Variants in KIFC3 observed in about 807,000 individuals in gnomAD.
KIFC3 encodes kinesin family member C3, also known as kinesin-like protein KIFC3.
A neutral mutation model predicts 101.8 loss-of-function variants in KIFC3; 60 were observed. The ratio of observed to expected loss-of-function variants is 0.59; its 90% CI spans 0.48 to 0.73. The LOEUF (loss-of-function observed/expected upper bound fraction) is 0.73. Among genes scored for constraint, KIFC3 ranks in the 30% least tolerant of loss-of-function variants. KIFC3 has a pLI of 0.00. For missense variants in KIFC3, 966 were observed against 1,137.1 expected, an observed-to-expected ratio of 0.85 and a Z score of 2.16; for synonymous variants, 476 against 482.7, an observed-to-expected ratio of 0.99 and a Z score of 0.18.
chr16:57,857,399 T>C (rs1181513414), intron 1 of KIFC3, among the ~76,000 whole-genome samples: 2 of 151,334 alleles, frequency 1.3e-5, no homozygotes, highest in African/African-American at 4.9e-5. Flanking sequence ...ACCTTTCTTT[T>C]TTTTTTTTTA....
intron 1 of KIFC3, among the ~76,000 whole-genome samples, chr16:57,858,347 G>A (rs1045975931): frequency 2.0e-5 from 3 of 152,018 alleles, no homozygotes; most frequent in Non-Finnish European, 4.4e-5. Flanking sequence ...TCCCTTCCCC[G>A]GAACACAGAA....
At chr16:57,813,422 G>A (rs1382246175) in intron 1 of KIFC3, among the ~76,000 whole-genome samples, 4 of 152,218 alleles carry the variant, frequency 2.6e-5, no homozygotes, top group African/African-American at 7.2e-5. Flanking sequence ...CAGTGTCCCT[G>A]TCTAAATCTC....
chr16:57,789,869 T>C (rs1407019800), intron 3 of KIFC3, among the ~76,000 whole-genome samples: 2 of 146,714 alleles, frequency 1.4e-5, no homozygotes, highest in African/African-American at 5.1e-5. Context: ...CCCAAGTAGG[T>C]GGGGTTACAG....
intron 1 of KIFC3, among the ~76,000 whole-genome samples, chr16:57,854,304 T>C (rs2056119701): frequency 6.6e-6 from 1 of 152,164 alleles, no homozygotes; most frequent in Non-Finnish European, 1.5e-5. Flanking sequence ...GAAAACCCAC[T>C]TTATATATAA....
chr16:57,789,259 C>A (rs1555619216), intron 3 of KIFC3, among the ~76,000 whole-genome samples: 1 of 152,264 alleles, frequency 6.6e-6, no homozygotes, highest in Non-Finnish European at 1.5e-5. Context: ...CTCCGCCCCA[C>A]AGGGCTATCG....
At chr16:57,789,099 T>C (rs1364997559) in intron 3 of KIFC3, among the ~76,000 whole-genome samples, 1 of 152,132 alleles carries the variant, frequency 6.6e-6, no homozygotes, top group Non-Finnish European at 1.5e-5. Flanking sequence ...CACACACGTA[T>C]CAACCTCAGG....
intron 1 of KIFC3, among the ~76,000 whole-genome samples, chr16:57,801,918 G>T (rs1555625626): frequency 6.6e-6 from 1 of 152,196 alleles, no homozygotes; most frequent in African/African-American, 2.4e-5. Context: ...ACCTCTGGGC[G>T]GGCGCACCCC....
chr16:57,797,243 C>T (rs1287106432), intron 2 of KIFC3, among the ~76,000 whole-genome samples: 4 of 152,238 alleles, frequency 2.6e-5, no homozygotes, highest in Admixed American at 2.0e-4. Flanking sequence ...CTCTCACAGG[C>T]TGGCAGTCTA....
intron 1 of KIFC3, among the ~76,000 whole-genome samples, chr16:57,827,304 G>A (rs2055479461): frequency 6.6e-6 from 1 of 152,238 alleles, no homozygotes; most frequent in African/African-American, 2.4e-5. Flanking sequence ...ACATCTCAGT[G>A]TCTGGTTGGC....
intron 1 of KIFC3, chr16:57,813,898 G>A (rs1292752752): frequency 1.0e-6 from 1 of 980,424 alleles, no homozygotes; most frequent in East Asian, 1.1e-4. Flanking sequence ...AGAGGTGAAG[G>A]GATCTACCCT....
chr16:57,768,037 G>T (rs782216255), intron 9 of KIFC3, among the ~76,000 whole-genome samples: 3 of 152,158 alleles, frequency 2.0e-5, no homozygotes, highest in Non-Finnish European at 4.4e-5. Context: ...TGAAAATGCT[G>T]GGTAGGGGCT....
At chr16:57,860,068 A>C (rs1043125372) in intron 1 of KIFC3, among the ~76,000 whole-genome samples, 1 of 146,396 alleles carries the variant, frequency 6.8e-6, no homozygotes, top group African/African-American at 2.4e-5. Flanking sequence ...AAAATAAAAT[A>C]AAATAAAATA....
intron 3 of KIFC3, chr16:57,773,679 G>C (rs1197299758): frequency 6.6e-6 from 1 of 152,214 alleles, no homozygotes; most frequent in Non-Finnish European, 1.5e-5. Context: ...GAGGCTTAGA[G>C]TCCGCCCCCT....
intron 1 of KIFC3, among the ~76,000 whole-genome samples, chr16:57,859,504 T>C (rs1466222424): frequency 6.6e-6 from 1 of 152,178 alleles, no homozygotes; most frequent in East Asian, 1.9e-4. Flanking sequence ...TAATTATAGC[T>C]GTTTTCACGA....
At chr16:57,795,223 A>G in intron 2 of KIFC3, 82 bp from the exon 3 acceptor site, 2 of 1,492,270 alleles carry the variant, frequency 1.3e-6, no homozygotes. Flanking sequence ...CCAGGGCCGC[A>G]GCTGAGCTCA....
At chr16:57,822,749 A>G (rs1455926776) in intron 1 of KIFC3, among the ~76,000 whole-genome samples, 1 of 152,186 alleles carries the variant, frequency 6.6e-6, no homozygotes, top group Admixed American at 6.5e-5. Context: ...TGCCAGTGTC[A>G]TGAAATACAA....
chr16:57,816,508 G>A (rs1327860661), intron 1 of KIFC3: 7 of 456,816 alleles, frequency 1.5e-5, no homozygotes, highest in Non-Finnish European at 2.6e-5. Context: ...AGCAGCTGAC[G>A]TTCCTTGTCT....
intron 1 of KIFC3, among the ~76,000 whole-genome samples, chr16:57,860,616 G>T (rs1269592548): frequency 6.6e-6 from 1 of 152,218 alleles, no homozygotes; most frequent in East Asian, 1.9e-4. Flanking sequence ...AGGGCAAGTT[G>T]CAGAGTATAG....
Position 57,769,784 on chromosome 16 carries a change from A to G in KIFC3, c.1087+24T>C, listed in dbSNP as rs1555606089. The G allele has an allele frequency of 6.2e-7, 1 of 1,613,014 alleles. No individual in the cohort carries two copies. The highest frequency in any genetic ancestry group is 2.2e-5 in the East Asian group (1 of 44,864). ...GATGAGGGGCCGCGGCGTGGGGCAG[A>G]CAGGGCCCAGCTGGTCAGCTCACCT... On this transcript the variant is annotated intron_variant, in intron 8 of 19. Transcript: ENST00000445690. The surrounding 1 kb of genome is among the most constrained non-coding windows in gnomAD (Gnocchi z 4.3).
Sources: gnomAD v4.1 joint callset for allele counts (sites outside exome capture counted in the v4.1 genomes callset) on GRCh38, gnomAD v4.1.1 for gene constraint, Gnocchi (gnomAD v3.1) non-coding constraint, MANE v1.5 for transcripts, NCBI Gene and HGNC (gene_info 2026-07-23, HGNC 2026-07-21) for gene names.